Variants in RICTOR observed in about 807,000 individuals in gnomAD.
The protein encoded by RICTOR is RPTOR independent companion of MTOR complex 2, also known as rapamycin-insensitive companion of mTOR.
Under a neutral mutation model 214.9 loss-of-function variants are expected in RICTOR, and 49 were observed. The observed-to-expected ratio is 0.23, with a 90% confidence interval of 0.18 to 0.29. The LOEUF is 0.29. RICTOR is among the 10% of genes least tolerant of loss of function. The pLI, the probability that RICTOR is intolerant of heterozygous loss-of-function variation, is 1.00. For synonymous variants in RICTOR, 717 were observed against 711.3 expected, an observed-to-expected ratio of 1.01 and a Z score of -0.13; for missense variants, 1,625 against 2,047.0, an observed-to-expected ratio of 0.79 and a Z score of 3.98.
At chr5:39,072,991 A>T (rs1011468889) in intron 2 of RICTOR, among the ~76,000 whole-genome samples, 1 of 152,232 alleles carries the variant, frequency 6.6e-6, no homozygotes, top group African/African-American at 2.4e-5. Flanking sequence ...AAATAAAACA[A>T]ATTAGAAAAT....
chr5:39,062,754 T>A (rs1047493117), intron 2 of RICTOR, among the ~76,000 whole-genome samples: 3 of 152,100 alleles, frequency 2.0e-5, no homozygotes, highest in African/African-American at 7.2e-5. Flanking sequence ...AGGAAACACA[T>A]GAAATTTCAC....
chr5:38,975,662 T>G (rs1039999961), intron 9 of RICTOR, 58 bp from the exon 10 acceptor site: 2 of 1,247,200 alleles, frequency 1.6e-6, no homozygotes, highest in African/African-American at 3.0e-5. Flanking sequence ...TAAAATGAGT[T>G]TTTTCCTGCT....
chr5:39,014,703 G>A (rs1435147934), intron 3 of RICTOR, among the ~76,000 whole-genome samples: 3 of 151,750 alleles, frequency 2.0e-5, no homozygotes, highest in Non-Finnish European at 4.4e-5. Context: ...CTCATCAGCA[G>A]TCTGTTATAC....
chr5:38,938,134 ACT>A lies in RICTOR; in HGVS notation c.*4168_*4169del. ...ATATTCTTACAGAAAAAATATAAAT[ACT>A]TTTTCTTTCTATGTTACAGTTATAC... On this transcript the variant is annotated 3_prime_UTR_variant, in exon 38 of 38. Coordinates refer to ENST00000357387, the MANE Select transcript of RICTOR (RefSeq NM_152756.5). 4.7e-6 allele frequency: 1 copy of A among 213,630 alleles called. No individual in the cohort carries two copies. 13.2% of individuals were successfully genotyped at this position (213,630 alleles called of 1,614,324 possible).
intron 20 of RICTOR, 42 bp downstream of exon 20, chr5:38,960,356 C>A: frequency 6.3e-7 from 1 of 1,590,498 alleles, no homozygotes; most frequent in Non-Finnish European, 8.6e-7. Flanking sequence ...GAAGCAAATT[C>A]AATAAAAAAC....
chr5:38,990,654 TGATATATATCA>T (rs1472472173), intron 7 of RICTOR, among the ~76,000 whole-genome samples: 1 of 89,056 alleles, frequency 1.1e-5, no homozygotes, highest in African/African-American at 3.9e-5. Flanking sequence ...ATCAGATATA[TGATATATATCA>T]GATATATATC....
At position 39,065,491 on chromosome 5, in the gene RICTOR, G is replaced by A. The variant is rs555960754; in HGVS notation, c.97+8620C>T. On this transcript the variant is annotated intron_variant, in intron 2 of 37. Coordinates refer to ENST00000357387, the MANE Select transcript of RICTOR (RefSeq NM_152756.5). ...CCAAATCTCATGTCCTTCTCACACT[G>A]CAAAATAAACTCATGCCTTCCCAAC... Among the ~76,000 whole-genome samples the A allele has an allele frequency of 3.9e-5, 6 of 152,124 alleles. No homozygotes were observed. The East Asian group carries it at 7.7e-4, about 20-fold the overall frequency.
At chr5:38,969,023 G>A (rs1750488476) in intron 11 of RICTOR, among the ~76,000 whole-genome samples, 2 of 149,370 alleles carry the variant, frequency 1.3e-5, no homozygotes, top group Admixed American at 1.3e-4. Flanking sequence ...AGGCTGGAGG[G>A]CAGTGGCACA....
intron 7 of RICTOR, among the ~76,000 whole-genome samples, chr5:38,988,354 T>C (rs982984052): frequency 2.0e-5 from 3 of 152,164 alleles, no homozygotes; most frequent in African/African-American, 7.2e-5. Context: ...TCTAAGAACT[T>C]GCTTTATGAA....
intron 18 of RICTOR, 57 bp downstream of exon 18, chr5:38,962,428 G>A (rs991641046): frequency 1.0e-4 from 122 of 1,162,606 alleles, no homozygotes; most frequent in Non-Finnish European, 1.3e-4. Flanking sequence ...AGATAATTAC[G>A]TTATAATTAA....
chr5:38,991,146 G>A, intron 6 of RICTOR, 71 bp from the exon 7 acceptor site: 1 of 970,364 alleles, frequency 1.0e-6, no homozygotes. Context: ...TGTCCAGACT[G>A]AAGTAGTTAA....
In RICTOR at chr5:38,972,168, G is replaced by A. The variant is rs537313199; in HGVS notation, c.890-209C>T. ...TTGATTAGAGATTACCAATAATTTC[G>A]TCATTTAAATTCCATCTTCAGTATC... On this transcript the variant is annotated intron_variant, in intron 10 of 37. Coordinates refer to ENST00000357387, the MANE Select transcript of RICTOR (RefSeq NM_152756.5). Among the ~76,000 whole-genome samples the A allele has an allele frequency of 2.1e-4, 32 of 152,174 alleles. 1 individual carries two copies. Among genetic ancestry groups the A allele is most frequent in the Admixed American group, 6.5e-4 (10 of 15,274 alleles).
At chr5:38,945,229 A>T (rs1748059855) in intron 34 of RICTOR, 161 bp from the exon 35 acceptor site, 1 of 635,350 alleles carries the variant, frequency 1.6e-6, no homozygotes, top group South Asian at 2.1e-5. Flanking sequence ...AAATGAAAAT[A>T]ACTACAGCAT....
chr5:38,987,023 TG>T (rs1395261068), intron 7 of RICTOR, among the ~76,000 whole-genome samples: 1 of 152,188 alleles, frequency 6.6e-6, no homozygotes, highest in African/African-American at 2.4e-5. Flanking sequence ...TGATGGATTA[TG>T]TGTACTGATT....
At chr5:39,067,975 C>T (rs1372226360) in intron 2 of RICTOR, among the ~76,000 whole-genome samples, 1 of 152,122 alleles carries the variant, frequency 6.6e-6, no homozygotes, top group East Asian at 1.9e-4. Context: ...AGGCCTCCTG[C>T]CCTCAAGAAG....
chr5:39,020,724 C>G (rs896935815), intron 3 of RICTOR, among the ~76,000 whole-genome samples: 1 of 152,104 alleles, frequency 6.6e-6, no homozygotes, highest in African/African-American at 2.4e-5. Flanking sequence ...ATGCCTGTAC[C>G]ATATATTATC....
At chr5:39,061,358 A>G (rs1368415910) in intron 2 of RICTOR, among the ~76,000 whole-genome samples, 2 of 152,214 alleles carry the variant, frequency 1.3e-5, no homozygotes, top group East Asian at 3.9e-4. Flanking sequence ...GCTGCTCAAC[A>G]AAGGAACAAA....
intron 29 of RICTOR, 89 bp from the exon 30 acceptor site, chr5:38,952,514 G>A: frequency 1.2e-6 from 1 of 847,578 alleles, no homozygotes; most frequent in Non-Finnish European, 1.8e-6. Context: ...TACATACTTT[G>A]AACTTTCTCT....
At chr5:38,967,893 A>T in intron 12 of RICTOR, 50 bp downstream of exon 12, 1 of 924,920 alleles carries the variant, frequency 1.1e-6, no homozygotes, top group Non-Finnish European at 1.7e-6. Context: ...TGTCTCCATT[A>T]AATAAAAATT....
Sources: allele counts gnomAD v4.1 joint callset (sites outside exome capture counted in the v4.1 genomes callset), GRCh38; gene constraint gnomAD v4.1.1; transcripts MANE v1.5; gene names NCBI Gene and HGNC (gene_info 2026-07-23, HGNC 2026-07-21).